The following NXPE4 variants were observed in gnomAD, a reference collection of about 807,000 sequenced individuals.
NXPE4 encodes the protein neurexophilin and PC-esterase domain family member 4, also known as NXPE family member 4.
NXPE4 carries 42 observed loss-of-function variants against 33.3 expected under a neutral mutation model. The observed-to-expected ratio is 1.26, with a 90% CI of 0.98 to 1.63. The LOEUF (loss-of-function observed/expected upper bound fraction) is 1.63, where lower values mean the gene tolerates loss of function less well. Among genes scored for constraint, NXPE4 ranks in the 40% most tolerant of loss-of-function variants. The pLI is 0.00. For missense variants in NXPE4, 709 were observed against 647.6 expected (o/e 1.09, Z -1.03); for synonymous variants, 253 against 234.9 (o/e 1.08, Z -0.71).
chr11:114,587,455 A>G (rs898758408), intron 2 of NXPE4, among the ~76,000 whole-genome samples: 1 of 152,266 alleles, frequency 6.6e-6, no homozygotes, highest in Non-Finnish European at 1.5e-5. Flanking sequence ...ACTGTAACGA[A>G]GTCTCTCTCA....
At chr11:114,652,580 T>C in the NXPE4 span, among the ~76,000 whole-genome samples, 1 of 152,188 alleles carries the variant, frequency 6.6e-6, no homozygotes, top group South Asian at 2.1e-4. Flanking sequence ...ACACAGTGAG[T>C]GTTGCTCGAC....
chr11:114,604,206 C>G, the NXPE4 span, among the ~76,000 whole-genome samples: 68 of 152,140 alleles, frequency 4.5e-4, no homozygotes, highest in African/African-American at 1.6e-3. Context: ...ATAAGTATTG[C>G]CTTGTGGGTA....
the NXPE4 span, among the ~76,000 whole-genome samples, chr11:114,631,736 G>C: frequency 3.1e-4 from 47 of 151,286 alleles, no homozygotes; most frequent in Non-Finnish European, 4.6e-4. Context: ...GTATTGCCTC[G>C]TGGGTAACCA....
At chr11:114,664,789 G>A in the NXPE4 span, among the ~76,000 whole-genome samples, 149 of 152,236 alleles carry the variant, frequency 9.8e-4, no homozygotes, top group African/African-American at 3.5e-3. Flanking sequence ...TCTCTTGGGA[G>A]GCAGGGCAGC....
rs1348112393 is a variant in NXPE4, at chr11:114,582,903, A to G, written c.215T>C (p.Ile72Thr). Residue 72 changes from isoleucine (I) to threonine (T), a missense_variant, in exon 3 of 6, where the codon ATA becomes ACA. Physicochemically the swap from Ile to Thr is moderately conservative, Grantham distance 89. Transcript: ENST00000375478. ...ATCTAGTTTCTCTATGATTTCCTTTATTCTGAGTTCAGTCTCTGTTAGTGG... is the reference window on the plus strand; with the variant it reads ...ATCTAGTTTCTCTATGATTTCCTTTGTTCTGAGTTCAGTCTCTGTTAGTGG... ...LKPLTETELR[I>T]KEIIEKLDQQ... 7 of 1,613,956 alleles carry G rather than the reference A, an allele frequency of 4.3e-6. No homozygotes were observed. The African/African-American group carries it at 6.7e-5, about 15-fold the overall frequency.
the NXPE4 span, among the ~76,000 whole-genome samples, chr11:114,625,699 G>A: frequency 9.9e-5 from 15 of 152,156 alleles, no homozygotes; most frequent in Admixed American, 1.3e-4. Context: ...GAACAGCCCC[G>A]GTCTACAGCT....
At chr11:114,644,769 A>G in the NXPE4 span, among the ~76,000 whole-genome samples, 2 of 151,954 alleles carry the variant, frequency 1.3e-5, no homozygotes, top group Non-Finnish European at 2.9e-5. Context: ...CCAAAAATAC[A>G]TATCTAAATC....
At chr11:114,641,908 A>G in the NXPE4 span, among the ~76,000 whole-genome samples, 1 of 152,132 alleles carries the variant, frequency 6.6e-6, no homozygotes, top group Non-Finnish European at 1.5e-5. Flanking sequence ...AAAGAACACT[A>G]GAGTAACTTT....
the NXPE4 span, among the ~76,000 whole-genome samples, chr11:114,633,080 T>C: frequency 8.3e-6 from 1 of 119,860 alleles, no homozygotes; most frequent in Admixed American, 1.0e-4. Flanking sequence ...TTTTATAATT[T>C]ATCTTTTATG....
the NXPE4 span, among the ~76,000 whole-genome samples, chr11:114,636,449 T>G: frequency 6.6e-6 from 1 of 152,064 alleles, no homozygotes; most frequent in Non-Finnish European, 1.5e-5. Context: ...GGGTTTTTTG[T>G]GTCTCTATTT....
the NXPE4 span, among the ~76,000 whole-genome samples, chr11:114,650,419 A>C: frequency 1.3e-5 from 2 of 152,222 alleles, no homozygotes; most frequent in African/African-American, 4.8e-5. Flanking sequence ...AGACTCAGAG[A>C]AGACCAGGAG....
rs144600200 is a variant in NXPE4 at position 114,582,235 on chromosome 11, T to C, written c.830+53A>G. ...CAAGACTTTTCTTTGGATCAGTATA[T>C]AGGCCAAATCACAATATTTGCACAG... On this transcript the variant is annotated intron_variant, in intron 3 of 5. Coordinates refer to ENST00000375478, the MANE Select transcript of NXPE4 (RefSeq NM_001077639.2). 92 of 1,517,716 alleles carry C rather than the reference T, an allele frequency of 6.1e-5. No homozygotes were observed. The East Asian group carries it at 2.0e-3, about 33-fold the overall frequency. The allele number at this position is 1,517,716 out of a possible 1,614,324, so 94.0% of individuals were successfully genotyped here. A position where few individuals can be genotyped will look rare whatever the true frequency, so the allele number is the denominator to read the frequency against.
intron 2 of NXPE4, among the ~76,000 whole-genome samples, chr11:114,587,280 A>G (rs1410023937): frequency 1.3e-5 from 2 of 152,216 alleles, no homozygotes; most frequent in African/African-American, 4.8e-5. Flanking sequence ...CTTTTAAGGC[A>G]CCTATTCTGC....
the NXPE4 span, among the ~76,000 whole-genome samples, chr11:114,624,737 C>G: frequency 0.016 from 2,410 of 151,112 alleles, 26 homozygotes; most frequent in Non-Finnish European, 0.022. Context: ...GTATTGCCTC[C>G]AGGGTAACCA....
At chr11:114,638,235 C>T in the NXPE4 span, among the ~76,000 whole-genome samples, 1 of 152,062 alleles carries the variant, frequency 6.6e-6, no homozygotes, top group Non-Finnish European at 1.5e-5. Flanking sequence ...CACTGATACA[C>T]TTTCTTCCAG....
At chr11:114,612,593 G>A in the NXPE4 span, among the ~76,000 whole-genome samples, 1 of 151,958 alleles carries the variant, frequency 6.6e-6, no homozygotes, top group Non-Finnish European at 1.5e-5. Flanking sequence ...AATAAGTATT[G>A]CCTCACGGGT....
intron 2 of NXPE4, among the ~76,000 whole-genome samples, chr11:114,594,320 C>A (rs894829645): frequency 6.6e-6 from 1 of 151,784 alleles, no homozygotes; most frequent in Non-Finnish European, 1.5e-5. Flanking sequence ...TACTTTGTAC[C>A]CACAAAAATT....
At chr11:114,615,569 C>A in the NXPE4 span, among the ~76,000 whole-genome samples, 2 of 150,730 alleles carry the variant, frequency 1.3e-5, no homozygotes, top group Admixed American at 6.6e-5. Context: ...TCGTGGGTAA[C>A]CACCTTTACC....
the NXPE4 span, among the ~76,000 whole-genome samples, chr11:114,606,634 C>T: frequency 1.3e-5 from 2 of 151,910 alleles, no homozygotes; most frequent in East Asian, 3.9e-4. Flanking sequence ...AGTGTTGCCT[C>T]GTGGGAAACC....
Sources: allele counts gnomAD v4.1 joint callset (sites outside exome capture counted in the v4.1 genomes callset), GRCh38; gene constraint gnomAD v4.1.1; transcripts MANE v1.5; gene names NCBI Gene and HGNC (gene_info 2026-07-23, HGNC 2026-07-21).